ARHGEF4: variants seen among roughly 807,000 people sequenced by gnomAD.
ARHGEF4 encodes the protein Rho guanine nucleotide exchange factor 4, also known as APC-stimulated guanine nucleotide exchange factor 1.
A neutral mutation model predicts 162.0 loss-of-function variants in ARHGEF4; 119 were observed. The observed-to-expected ratio is 0.73, with a 90% CI of 0.63 to 0.86. The LOEUF (loss-of-function observed/expected upper bound fraction) is 0.86. ARHGEF4 is among the 40% of genes least tolerant of loss of function. The probability of loss-of-function intolerance (pLI) is 0.00; values close to 1 mark genes in which losing one functional copy is unlikely to be tolerated. For missense variants in ARHGEF4, 2,488 were observed against 2,456.0 expected (o/e 1.01, Z -0.28); for synonymous variants, 1,014 against 979.9 (o/e 1.03, Z -0.65).
rs1165869953 is a variant in ARHGEF4 at position 131,044,328 on chromosome 2, C to T, written c.5187C>T (p.Tyr1729=). Residue 1729 remains tyrosine, a synonymous_variant, in exon 12 of 14, where the codon TAC becomes TAT. Coordinates refer to ENST00000409359, the MANE Select transcript of ARHGEF4 (RefSeq NM_001367493.1). Reference sequence around the variant, plus strand: ...TGCTCCGCCGCGACGTGTTGTACTACAAGGGCCGGCTGGACATGGACGGCC... The same window carrying T: ...TGCTCCGCCGCGACGTGTTGTACTATAAGGGCCGGCTGGACATGGACGGCC... ...KDLLRRDVLY[Y]KGRLDMDGLE... is the part of the protein sequence containing the mutation. The T allele has an allele frequency of 6.2e-7, 1 of 1,610,070 alleles. No individual in the cohort carries two copies. The highest frequency in any genetic ancestry group is 1.3e-5 in the African/African-American group (1 of 74,908).
intron 3 of ARHGEF4, among the ~76,000 whole-genome samples, chr2:130,936,077 T>A (rs1456868654): frequency 1.3e-5 from 2 of 152,124 alleles, no homozygotes; most frequent in East Asian, 1.9e-4. Flanking sequence ...AAAAAAAAAA[T>A]CTACTGAAAC....
At chr2:130,847,636 C>T (rs373327636) in intron 1 of ARHGEF4, among the ~76,000 whole-genome samples, 52 of 152,298 alleles carry the variant, frequency 3.4e-4, no homozygotes, top group East Asian at 2.5e-3. Context: ...CGCTTGGCTC[C>T]GAGGGCCTGA....
rs140882395 is a variant in ARHGEF4, at chr2:131,012,500, T to C, written c.3986-15445T>C. 3.7e-3 allele frequency among the ~76,000 whole-genome samples: 559 copies of C among 150,888 alleles called. 3 individuals are homozygous for C. Among genetic ancestry groups the C allele is most frequent in the Non-Finnish European group, 5.6e-3 (380 of 67,856 alleles). On this transcript the variant is annotated intron_variant, in intron 4 of 13. Transcript: ENST00000409359. The stretch of plus-strand genomic sequence containing the variant: ...AAAGCCACAGGCCTCAGAGTGGGGA[T>C]GCCTTTCACTGTGAAATCCCATATT...
chr2:130,873,467 TA>T (rs1354515629), intron 1 of ARHGEF4, among the ~76,000 whole-genome samples: 1 of 151,528 alleles, frequency 6.6e-6, no homozygotes. Context: ...CGGGCACCTG[TA>T]ATCCTAGCTA....
intron 4 of ARHGEF4, among the ~76,000 whole-genome samples, chr2:130,967,142 A>G (rs1287425504): frequency 6.6e-6 from 1 of 152,228 alleles, no homozygotes; most frequent in African/African-American, 2.4e-5. Flanking sequence ...AGCAGTAGAC[A>G]AGGAATCCAG....
chr2:130,985,567 G>C (rs576400648), intron 4 of ARHGEF4, among the ~76,000 whole-genome samples: 4 of 152,032 alleles, frequency 2.6e-5, no homozygotes, highest in Non-Finnish European at 5.9e-5. Flanking sequence ...GAGGCATCTG[G>C]GGGGGTGATG....
chr2:130,960,147 T>C (rs1386420317), intron 4 of ARHGEF4, among the ~76,000 whole-genome samples: 1 of 151,950 alleles, frequency 6.6e-6, no homozygotes. Context: ...CCTAAGATTA[T>C]AATGGAGCTA....
chr2:131,022,217 G>A (rs1689178041), intron 4 of ARHGEF4, among the ~76,000 whole-genome samples: 1 of 152,156 alleles, frequency 6.6e-6, no homozygotes, highest in Non-Finnish European at 1.5e-5. Flanking sequence ...AATTTGAGAA[G>A]AATTGGTGTT....
At chr2:130,925,740 C>G (rs1682203972) in intron 2 of ARHGEF4, among the ~76,000 whole-genome samples, 1 of 152,138 alleles carries the variant, frequency 6.6e-6, no homozygotes, top group South Asian at 2.1e-4. Flanking sequence ...TCACTGCTCT[C>G]AATATTTTTT....
rs183056325 is a variant in ARHGEF4 at position 130,940,563 on chromosome 2, G to A, written c.3859-5946G>A. ...AGTATGAAAATTCATGGAGTAGGCC[G>A]GGCGCGGTGGCTCACGCTTGTAATC... On this transcript the variant is annotated intron_variant, in intron 3 of 13. Coordinates refer to ENST00000409359, the MANE Select transcript of ARHGEF4 (RefSeq NM_001367493.1). Among the ~76,000 whole-genome samples the A allele has an allele frequency of 7.3e-3, 1,116 of 151,850 alleles. 6 individuals carry two copies. The highest frequency in any genetic ancestry group is 0.012 in the Non-Finnish European group (822 of 67,938).
intron 1 of ARHGEF4, among the ~76,000 whole-genome samples, chr2:130,837,242 G>C (rs1482327666): frequency 1.3e-5 from 2 of 152,114 alleles, no homozygotes; most frequent in African/African-American, 4.8e-5. Flanking sequence ...ACGGCGGCCC[G>C]GGGCGAGCCC....
intron 4 of ARHGEF4, among the ~76,000 whole-genome samples, chr2:130,950,793 T>C (rs2105161153): frequency 6.6e-6 from 1 of 152,098 alleles, no homozygotes; most frequent in Non-Finnish European, 1.5e-5. Flanking sequence ...GTTTTGTGAC[T>C]GGCTTCTCTC....
intron 1 of ARHGEF4, among the ~76,000 whole-genome samples, chr2:130,913,007 C>T (rs138493465): frequency 1.3e-5 from 2 of 152,176 alleles, no homozygotes; most frequent in African/African-American, 4.8e-5. Flanking sequence ...TTGTAGCTTA[C>T]ACTTTGTCAT....
intron 5 of ARHGEF4, among the ~76,000 whole-genome samples, chr2:131,033,445 A>G (rs1443399616): frequency 6.6e-6 from 1 of 151,912 alleles, no homozygotes; most frequent in African/African-American, 2.4e-5. Context: ...GCTGCTGTAG[A>G]CCCTCCAGCA....
At chr2:130,981,418 T>C (rs1204546712) in intron 4 of ARHGEF4, among the ~76,000 whole-genome samples, 1 of 152,118 alleles carries the variant, frequency 6.6e-6, no homozygotes, top group Non-Finnish European at 1.5e-5. Context: ...CCCAGCACTT[T>C]GGGAGGCCAA....
chr2:130,844,545 A>C (rs1335931142), intron 1 of ARHGEF4, among the ~76,000 whole-genome samples: 4 of 152,070 alleles, frequency 2.6e-5, no homozygotes, highest in Non-Finnish European at 5.9e-5. Context: ...CTGTGAACTA[A>C]AGATTGCCCA....
At chr2:130,939,002 A>G (rs991485829) in intron 3 of ARHGEF4, among the ~76,000 whole-genome samples, 2 of 152,206 alleles carry the variant, frequency 1.3e-5, no homozygotes, top group Non-Finnish European at 2.9e-5. Context: ...TTTTGTCACC[A>G]AGGTAATAAG....
chr2:130,901,439 G>A (rs1680483221), intron 1 of ARHGEF4, among the ~76,000 whole-genome samples: 1 of 152,170 alleles, frequency 6.6e-6, no homozygotes, highest in African/African-American at 2.4e-5. Flanking sequence ...TGGCCAAAGA[G>A]AGTCTGTTTG....
In ARHGEF4 at chr2:130,917,215, C is replaced by A. The variant is rs868228598; in HGVS notation, c.3269C>A (p.Thr1090Lys). 1 of 1,550,510 alleles carries A rather than the reference C, an allele frequency of 6.4e-7. No homozygotes were observed. The highest frequency in any genetic ancestry group is 2.0e-5 in the Admixed American group (1 of 51,004). ...YENPGTPCRP[T>K]SPKPLSPRPS... Reference sequence around the variant, plus strand: ...AACCCCGGGACGCCCTGCAGACCCACGAGCCCCAAGCCCCTGAGTCCCAGG... The same window carrying A: ...AACCCCGGGACGCCCTGCAGACCCAAGAGCCCCAAGCCCCTGAGTCCCAGG... The change falls in exon 2 of 14, where the codon ACG becomes AAG. Residue 1090 changes from threonine to lysine, a missense_variant. Transcript: ENST00000409359.
Sources: gnomAD v4.1 joint callset for allele counts (sites outside exome capture counted in the v4.1 genomes callset) on GRCh38, gnomAD v4.1.1 for gene constraint, MANE v1.5 for transcripts, NCBI Gene and HGNC (gene_info 2026-07-23, HGNC 2026-07-21) for gene names.